The following ADGRG5 variants were observed in gnomAD, a reference collection of about 807,000 sequenced individuals.
ADGRG5 encodes the protein adhesion G protein-coupled receptor G5, also known as G protein-coupled receptor 114.
ADGRG5 carries 37 observed loss-of-function variants against 53.2 expected under a neutral mutation model. The ratio of observed to expected loss-of-function variants is 0.70; its 90% CI spans 0.53 to 0.91. The LOEUF (loss-of-function observed/expected upper bound fraction) is 0.91, where lower values mean the gene tolerates loss of function less well. Ranked by LOEUF, ADGRG5 falls within the 40% of genes least tolerant of loss-of-function variation. The pLI is 0.00. For synonymous variants in ADGRG5, 277 were observed against 290.4 expected (o/e 0.95, Z 0.47); for missense variants, 614 against 675.8 (o/e 0.91, Z 1.01).
In ADGRG5 at chr16:57,563,954, A is replaced by C; in HGVS notation, c.404A>C (p.Tyr135Ser). 2 of 1,613,602 alleles carry C rather than the reference A, an allele frequency of 1.2e-6. No homozygotes were observed. The highest frequency in any genetic ancestry group is 1.7e-6 in the Non-Finnish European group (2 of 1,179,652). The change falls in exon 5 of 12, where the codon TAC becomes TCC. Residue 135 changes from tyrosine to serine, a missense_variant. By Grantham distance (144) the Tyr-to-Ser change is moderately radical. Coordinates refer to ENST00000349457, the MANE Select transcript of ADGRG5 (RefSeq NM_001304376.3). ...RPRELRLICI[Y>S]FSNTHFFKDE... ...AGGGAGCTGCGGCTCATCTGTATCT[A>C]CTTCTCCAACACCCACTTTTTCAAG...
rs142018188 is a variant in ADGRG5 at position 57,547,739 on chromosome 16, G to A, written c.-39+5038G>A. Among the ~76,000 whole-genome samples the A allele has an allele frequency of 6.2e-3, 919 of 148,794 alleles. 6 individuals carry two copies. Among genetic ancestry groups the A allele is most frequent in the African/African-American group, 0.021 (886 of 41,270 alleles). On this transcript the variant is annotated intron_variant, in intron 1 of 11. Transcript: ENST00000349457. ...TGGGATTACAGGCGTGAGCCACTGC[G>A]CCCAGCCTGTTTTTTGTTTTTTGTT... is the stretch of plus-strand genomic sequence containing the variant.
intron 10 of ADGRG5, among the ~76,000 whole-genome samples, chr16:57,571,042 C>T (rs1567625485): frequency 6.6e-6 from 1 of 152,096 alleles, no homozygotes; most frequent in Non-Finnish European, 1.5e-5. Flanking sequence ...GGCCGGGGGA[C>T]ACGCTGCTGC....
At chr16:57,548,600 A>G (rs1289465378) in intron 1 of ADGRG5, among the ~76,000 whole-genome samples, 1 of 152,070 alleles carries the variant, frequency 6.6e-6, no homozygotes, top group Admixed American at 6.6e-5. Context: ...CCTTTAAAGA[A>G]ACACACTCCC....
In ADGRG5 at chr16:57,566,738, TTGC is replaced by T. The variant is rs1403807260; in HGVS notation, c.689_691del (p.Ala230del). ...TGCCGCTGCAACCACCTCACCTACT[TTGC>T]TGTTCTCATGGTATGTATGCATCCT... On this transcript the variant is annotated inframe_deletion, in exon 7 of 12. Transcript: ENST00000349457. 4.5e-6 allele frequency: 7 copies of T among 1,548,300 alleles called. No homozygotes were observed. Among genetic ancestry groups the T allele is most frequent in the Non-Finnish European group, 6.1e-6 (7 of 1,147,530 alleles).
In ADGRG5 at chr16:57,574,041, G is replaced by A. The variant is rs2033437904; in HGVS notation, c.1209-774G>A. Among the ~76,000 whole-genome samples, 1 of 152,096 alleles carries A rather than the reference G, an allele frequency of 6.6e-6. No homozygotes were observed. Among genetic ancestry groups the A allele is most frequent in the Non-Finnish European group, 1.5e-5 (1 of 68,010 alleles). On this transcript the variant is annotated intron_variant, in intron 10 of 11. Transcript: ENST00000349457. The surrounding 1 kb of genome is among the most constrained non-coding windows in gnomAD (Gnocchi z 4.4). ...CTGGCCTCCATTTGATTTAGTTCTA[G>A]GAAGTCCTTACATTTCCCTGTCTCT...
chr16:57,570,472 G>T lies in ADGRG5; in HGVS notation c.1145G>T (p.Gly382Val), dbSNP rs1690641949. The change falls in exon 10 of 12, where the codon GGA becomes GTA. Residue 382 changes from glycine to valine, a missense_variant. Gly to Val is a moderately radical substitution (Grantham distance 109). Transcript: ENST00000349457. ...CTCTCTGTCAAGAGCTCGGTATACG[G>T]ACCCTGCACAATCCCCGTCTTCGAC... ...LSLSVKSSVY[G>V]PCTIPVFDSW... 5.0e-6 allele frequency: 8 copies of T among 1,613,560 alleles called. No homozygotes were observed. Among genetic ancestry groups the T allele is most frequent in the Non-Finnish European group, 5.1e-6 (6 of 1,179,990 alleles).
chr16:57,567,754 T>G, intron 8 of ADGRG5, 102 bp from the exon 9 acceptor site: 1 of 1,452,938 alleles, frequency 6.9e-7, no homozygotes, highest in Non-Finnish European at 9.3e-7. Context: ...CCCTGCCCCT[T>G]CTTCGCCTCA....
chr16:57,560,949 G>T (rs2032986619), intron 1 of ADGRG5, among the ~76,000 whole-genome samples: 2 of 152,074 alleles, frequency 1.3e-5, no homozygotes, highest in African/African-American at 4.8e-5. Context: ...GCTAATTTTT[G>T]TTTTCTTTTT....
chr16:57,566,564 C>T (rs537627595), intron 6 of ADGRG5, 35 bp from the exon 7 acceptor site: 7 of 1,437,066 alleles, frequency 4.9e-6, no homozygotes, highest in Middle Eastern at 1.9e-4. Context: ...AGCCTTTCCT[C>T]TGCACCCTAT....
intron 4 of ADGRG5, among the ~76,000 whole-genome samples, 159 bp from the exon 5 acceptor site, chr16:57,563,689 G>A (rs1442899246): frequency 6.6e-6 from 1 of 152,194 alleles, no homozygotes; most frequent in Non-Finnish European, 1.5e-5. Flanking sequence ...GGAAGGCCTG[G>A]GATCTTGGGA....
intron 1 of ADGRG5, among the ~76,000 whole-genome samples, chr16:57,557,155 C>A (rs2146781524): frequency 6.6e-6 from 1 of 152,208 alleles, no homozygotes; most frequent in African/African-American, 2.4e-5. Context: ...AGCGATCTAC[C>A]CACCTCAGCC....
chr16:57,567,771 C>T lies in ADGRG5; in HGVS notation c.822-85C>T, dbSNP rs1438281953. On this transcript the variant is annotated intron_variant, in intron 8 of 11. Transcript: ENST00000349457. Reference sequence around the variant, plus strand: ...CTGCCCCTTCTTCGCCTCAGTTTCCCTGTCGGCATGCACCTATGCACCCAG... The same window carrying T: ...CTGCCCCTTCTTCGCCTCAGTTTCCTTGTCGGCATGCACCTATGCACCCAG... 4.7e-6 allele frequency: 7 copies of T among 1,494,236 alleles called. No homozygotes were observed. The Middle Eastern group carries it at 6.9e-4, about 147-fold the overall frequency. 92.6% of individuals were successfully genotyped at this position (1,494,236 alleles called of 1,614,324 possible). A position where few individuals can be genotyped will look rare whatever the true frequency, so the allele number is the denominator to read the frequency against.
the ADGRG5 span, chr16:57,529,168 C>A: frequency 8.5e-7 from 1 of 1,183,416 alleles, no homozygotes; most frequent in Non-Finnish European, 1.0e-6. This position sits in a 1 kb window ranked among gnomAD's most constrained non-coding sequence, Gnocchi z 4.1. Flanking sequence ...GGGCTGGGCC[C>A]GTGGCTCATG....
intron 7 of ADGRG5, 81 bp from the exon 8 acceptor site, chr16:57,567,389 C>A: frequency 6.6e-7 from 1 of 1,507,074 alleles, no homozygotes. Flanking sequence ...GGAGAGGAGG[C>A]CTCAGGAGGT....
chr16:57,550,189 G>T (rs1015351261), intron 1 of ADGRG5, among the ~76,000 whole-genome samples: 9 of 152,310 alleles, frequency 5.9e-5, no homozygotes, highest in African/African-American at 2.2e-4. Context: ...TGTTGGCCAG[G>T]CTGGTTTCAA....
the ADGRG5 span, among the ~76,000 whole-genome samples, chr16:57,536,263 A>C: frequency 9.3e-5 from 11 of 118,358 alleles, no homozygotes; most frequent in East Asian, 2.8e-4. Flanking sequence ...CCCCTCCCCC[A>C]TCACCCCGCG....
At chr16:57,534,892 G>C in the ADGRG5 span, among the ~76,000 whole-genome samples, 1 of 152,218 alleles carries the variant, frequency 6.6e-6, no homozygotes, top group African/African-American at 2.4e-5. Flanking sequence ...TGGGAACAGC[G>C]TTGTGTTTTG....
intron 5 of ADGRG5, 144 bp from the exon 6 acceptor site, chr16:57,564,890 G>T (rs569465957): frequency 3.0e-5 from 19 of 623,636 alleles, no homozygotes; most frequent in Non-Finnish European, 5.2e-5. Flanking sequence ...TGGGAAGGCT[G>T]GGAGGCTGGG....
chr16:57,531,374 TGTCA>T, the ADGRG5 span, among the ~76,000 whole-genome samples: 1 of 151,882 alleles, frequency 6.6e-6, no homozygotes, highest in African/African-American at 2.4e-5. Context: ...CGCCAAACCT[TGTCA>T]GTCTATCTGC....
Sources: allele counts gnomAD v4.1 joint callset (sites outside exome capture counted in the v4.1 genomes callset), GRCh38; gene constraint gnomAD v4.1.1; non-coding constraint Gnocchi (gnomAD v3.1); transcripts MANE v1.5; gene names NCBI Gene and HGNC (gene_info 2026-07-23, HGNC 2026-07-21).